The following C8orf34 variants were observed in gnomAD, a reference collection of about 807,000 sequenced individuals.
C8orf34 encodes uncharacterized protein C8orf34.
C8orf34 carries 65 observed loss-of-function variants against 68.3 expected under a neutral mutation model. That is an observed-to-expected ratio of 0.95 (90% confidence interval 0.78 to 1.17). The LOEUF (loss-of-function observed/expected upper bound fraction) is 1.17, where lower values mean the gene tolerates loss of function less well. C8orf34 is among the 50% of genes most tolerant of loss of function. The pLI, the probability that C8orf34 is intolerant of heterozygous loss-of-function variation, is 0.00. For missense variants in C8orf34, 664 were observed against 655.4 expected (o/e 1.01, Z -0.14); for synonymous variants, 244 against 241.2 (o/e 1.01, Z -0.11).
intron 10 of C8orf34, among the ~76,000 whole-genome samples, chr8:68,772,797 C>T (rs1471255544): frequency 1.4e-5 from 2 of 145,082 alleles, no homozygotes; most frequent in Non-Finnish European, 3.0e-5. Flanking sequence ...TTCCCTCCCT[C>T]CCTCCTTTCT....
intron 4 of C8orf34, among the ~76,000 whole-genome samples, chr8:68,469,165 C>T (rs746167345): frequency 3.3e-5 from 5 of 151,986 alleles, no homozygotes; most frequent in African/African-American, 4.8e-5. Flanking sequence ...AATTAATAAA[C>T]ATACCCATTG....
chr8:68,629,654 A>G (rs1818632785), intron 7 of C8orf34, among the ~76,000 whole-genome samples: 2 of 152,202 alleles, frequency 1.3e-5, no homozygotes, highest in Non-Finnish European at 2.9e-5. Flanking sequence ...TGTGCTAGAC[A>G]TACTTCTAAG....
At position 68,551,824 on chromosome 8, in the gene C8orf34, A is replaced by T. The variant is rs574759495; in HGVS notation, c.1105+18675A>T. Among the ~76,000 whole-genome samples, 3 of 152,178 alleles carry T rather than the reference A, an allele frequency of 2.0e-5. No homozygotes were observed. In the South Asian group the frequency reaches 6.2e-4, roughly 32 times the overall value. ...AGTCAGAATGTCTAAAAATAAACTC[A>T]TGTTTTCTTCTAAAGGTTTTAAAGT... is the stretch of plus-strand genomic sequence containing the variant. On this transcript the variant is annotated intron_variant, in intron 7 of 13. Coordinates refer to ENST00000518698, the MANE Select transcript of C8orf34 (RefSeq NM_052958.4).
At chr8:68,795,549 G>A (rs1465507642) in intron 12 of C8orf34, among the ~76,000 whole-genome samples, 2 of 152,142 alleles carry the variant, frequency 1.3e-5, no homozygotes, top group African/African-American at 4.8e-5. Context: ...AGTAATGCAG[G>A]TCAAGTCTAT....
At chr8:68,530,110 A>G (rs1228434180) in intron 6 of C8orf34, among the ~76,000 whole-genome samples, 3 of 152,106 alleles carry the variant, frequency 2.0e-5, no homozygotes, top group Non-Finnish European at 4.4e-5. Context: ...TTTACAATAT[A>G]AAATTTAAAG....
rs1463950759 is a variant in C8orf34 at position 68,468,694 on chromosome 8, C to A, written c.610C>A (p.Pro204Thr). Residue 204 changes from proline to threonine, a missense_variant and splice_region_variant, in exon 4 of 14, where the codon CCA becomes ACA. Coordinates refer to ENST00000518698, the MANE Select transcript of C8orf34 (RefSeq NM_052958.4). ...SPPSPDSKSL[P>T]RSVEHPKWNW... ...ATTACCATTTTTTTTAAACATAGTG[C>A]CAAGGTCAGTAGAGCATCCAAAGTG... 4 of 1,609,158 alleles carry A rather than the reference C, an allele frequency of 2.5e-6. No homozygotes were observed. The highest frequency in any genetic ancestry group is 3.4e-5 in the Admixed American group (2 of 59,104).
chr8:68,578,165 C>T (rs1379010174), intron 7 of C8orf34, among the ~76,000 whole-genome samples: 3 of 152,004 alleles, frequency 2.0e-5, no homozygotes, highest in South Asian at 4.2e-4. Flanking sequence ...GGGGCTAATA[C>T]ATTTTACTAT....
chr8:68,743,825 C>A (rs1202772532), intron 10 of C8orf34, among the ~76,000 whole-genome samples: 1 of 152,226 alleles, frequency 6.6e-6, no homozygotes, highest in Non-Finnish European at 1.5e-5. Flanking sequence ...CCACCATTGC[C>A]CAGGCTTGCT....
Position 68,353,104 on chromosome 8 carries a change from G to A in C8orf34, c.327+21765G>A, listed in dbSNP as rs79660744. The stretch of plus-strand genomic sequence containing the variant: ...TAAAATAGAGTAGGGAAACCCATGG[G>A]CTAGACATAAGTAGGAAATGGGTCA... On this transcript the variant is annotated intron_variant, in intron 1 of 13. Coordinates refer to ENST00000518698, the MANE Select transcript of C8orf34 (RefSeq NM_052958.4). Among the ~76,000 whole-genome samples, 695 of 152,102 alleles carry A rather than the reference G, an allele frequency of 4.6e-3. 6 individuals are homozygous for A. The highest frequency in any genetic ancestry group is 0.016 in the African/African-American group (665 of 41,498).
At chr8:68,793,240 A>T (rs1373646825) in intron 12 of C8orf34, among the ~76,000 whole-genome samples, 1 of 152,216 alleles carries the variant, frequency 6.6e-6, no homozygotes, top group African/African-American at 2.4e-5. Context: ...TAGTAAAGTT[A>T]AACAGTGGAA....
intron 10 of C8orf34, among the ~76,000 whole-genome samples, chr8:68,748,725 A>AG (rs2081770119): frequency 1.3e-5 from 2 of 152,116 alleles, no homozygotes; most frequent in South Asian, 4.1e-4. Flanking sequence ...ATCATTAAAA[A>AG]GTCAGGAAAC....
intron 9 of C8orf34, 85 bp downstream of exon 9, chr8:68,709,164 A>C: frequency 1.0e-6 from 1 of 990,738 alleles, no homozygotes; most frequent in Non-Finnish European, 1.6e-6. Flanking sequence ...TAAACCAAAC[A>C]TCTTGCCTTG....
At chr8:68,562,662 T>C (rs1424943827) in intron 7 of C8orf34, among the ~76,000 whole-genome samples, 1 of 152,168 alleles carries the variant, frequency 6.6e-6, no homozygotes, top group Non-Finnish European at 1.5e-5. Flanking sequence ...TAAAAGGACT[T>C]ATTGCATGAA....
chr8:68,640,502 G>C lies in C8orf34; in HGVS notation c.1232G>C (p.Arg411Thr). 1 of 1,613,208 alleles carries C rather than the reference G, an allele frequency of 6.2e-7. No homozygotes were observed. Among genetic ancestry groups the C allele is most frequent in the Non-Finnish European group, 8.5e-7 (1 of 1,179,638 alleles). The stretch of plus-strand genomic sequence containing the variant: ...AAGGTCACACTGAACATCTGTTCAA[G>C]GTGTGCCAGGTAAAAGACATAATAG... Reference protein sequence around the residue: ...QAKVTLNICSRCARLQGDNLE... With the variant: ...QAKVTLNICSTCARLQGDNLE... Residue 411 changes from arginine (R) to threonine (T), a missense_variant, in exon 8 of 14, where the codon AGG (arginine) becomes ACG (threonine). Arg to Thr is a moderately conservative substitution (Grantham distance 71). Transcript: ENST00000518698.
At chr8:68,476,715 A>C in intron 4 of C8orf34, among the ~76,000 whole-genome samples, 1 of 152,192 alleles carries the variant, frequency 6.6e-6, no homozygotes, top group Middle Eastern at 3.2e-3. Flanking sequence ...GTACATGCAC[A>C]ATGGGCAAAG....
At chr8:68,502,057 T>C (rs1365429144) in intron 5 of C8orf34, among the ~76,000 whole-genome samples, 1 of 152,120 alleles carries the variant, frequency 6.6e-6, no homozygotes, top group African/African-American at 2.4e-5. Context: ...TTAAGGATGT[T>C]TTTTGTTTGT....
intron 8 of C8orf34, among the ~76,000 whole-genome samples, chr8:68,668,635 A>G (rs1428774428): frequency 6.6e-6 from 1 of 152,174 alleles, no homozygotes; most frequent in Middle Eastern, 3.2e-3. Context: ...GAATTTCCCA[A>G]AATGTGTTGT....
At chr8:68,439,167 A>G (rs1214463805) in intron 1 of C8orf34, 1 of 169,054 alleles carries the variant, frequency 5.9e-6, no homozygotes, top group East Asian at 1.6e-4. Flanking sequence ...AGCAAACTGA[A>G]GTTTAAAATT....
intron 1 of C8orf34, among the ~76,000 whole-genome samples, chr8:68,377,575 T>C (rs1403438968): frequency 6.6e-6 from 1 of 152,190 alleles, no homozygotes; most frequent in Non-Finnish European, 1.5e-5. Flanking sequence ...TAATATCAAA[T>C]GTTTTGAGCA....
Sources: gnomAD v4.1 joint callset for allele counts (sites outside exome capture counted in the v4.1 genomes callset) on GRCh38, gnomAD v4.1.1 for gene constraint, MANE v1.5 for transcripts, NCBI Gene and HGNC (gene_info 2026-07-23, HGNC 2026-07-21) for gene names.